Variants in ATL2 observed in about 807,000 individuals in gnomAD.
The protein encoded by ATL2 is atlastin-2.
In ATL2, 31 loss-of-function variants were observed where a neutral mutation model predicts 73.9. That is an observed-to-expected ratio of 0.42 (90% CI 0.32 to 0.57). The LOEUF (loss-of-function observed/expected upper bound fraction) is 0.57, where lower values mean the gene tolerates loss of function less well. Ranked by LOEUF, ATL2 falls within the 20% of genes least tolerant of loss-of-function variation. ATL2 has a pLI of 0.14. For missense variants in ATL2, 738 were observed against 702.6 expected (o/e 1.05, Z -0.57); for synonymous variants, 291 against 237.5 (o/e 1.23, Z -2.07).
rs576881151 is a variant in ATL2 at position 38,364,515 on chromosome 2, A to G, written c.118+12628T>C. Reference sequence around the variant, plus strand: ...AAAATGGAAGAGCTAGTTCTTAAACATCATTCTCTGTGGCCTTAGGCCAAA... The same window carrying G: ...AAAATGGAAGAGCTAGTTCTTAAACGTCATTCTCTGTGGCCTTAGGCCAAA... On this transcript the variant is annotated intron_variant, in intron 1 of 12. Transcript: ENST00000378954. Among the ~76,000 whole-genome samples, 13 of 152,356 alleles carry G rather than the reference A, an allele frequency of 8.5e-5. No individual in the cohort carries two copies. In the East Asian group the frequency reaches 1.4e-3, roughly 16 times the overall value.
intron 2 of ATL2, among the ~76,000 whole-genome samples, chr2:38,321,179 C>T (rs1199130958): frequency 6.6e-6 from 1 of 151,908 alleles, no homozygotes; most frequent in East Asian, 1.9e-4. Context: ...TCAAACAAAA[C>T]AAAACAAAAC....
intron 1 of ATL2, among the ~76,000 whole-genome samples, chr2:38,361,350 T>C (rs1252275103): frequency 8.9e-6 from 1 of 112,362 alleles, no homozygotes; most frequent in Non-Finnish European, 1.6e-5. Context: ...CAAGACTCCG[T>C]CTCAAAAAAA....
chr2:38,325,705 C>T (rs1467626856), intron 2 of ATL2, among the ~76,000 whole-genome samples: 1 of 74,606 alleles, frequency 1.3e-5, no homozygotes, highest in Non-Finnish European at 2.4e-5. Flanking sequence ...CCAGTACACA[C>T]ACACACACAC....
At chr2:38,360,895 T>C (rs1042503555) in intron 1 of ATL2, among the ~76,000 whole-genome samples, 3 of 151,722 alleles carry the variant, frequency 2.0e-5, no homozygotes, top group African/African-American at 7.3e-5. Flanking sequence ...GAACGAAACA[T>C]GGTTCCTTGT....
chr2:38,315,151 T>A (rs897586948), intron 5 of ATL2, 133 bp downstream of exon 5: 4 of 898,386 alleles, frequency 4.5e-6, no homozygotes, highest in Non-Finnish European at 6.0e-6. Flanking sequence ...CTTGGGAGGC[T>A]GAGGCAGGAG....
At chr2:38,311,381 C>CTCCTAAACACTCTTCTGGA (rs1553330849) in intron 7 of ATL2, among the ~76,000 whole-genome samples, 1 of 151,468 alleles carries the variant, frequency 6.6e-6, no homozygotes, top group Non-Finnish European at 1.5e-5. Flanking sequence ...ATAACTCACA[C>CTCCTAAACACTCTTCTGGA]AGTCTCCTAA....
At chr2:38,333,409 G>C (rs1434686973) in intron 2 of ATL2, among the ~76,000 whole-genome samples, 2 of 152,122 alleles carry the variant, frequency 1.3e-5, no homozygotes, top group Non-Finnish European at 1.5e-5. Flanking sequence ...TCCAAAAACA[G>C]TTAGTATTAA....
intron 2 of ATL2, among the ~76,000 whole-genome samples, chr2:38,327,237 T>A (rs1199882396): frequency 6.6e-6 from 1 of 151,790 alleles, no homozygotes; most frequent in Non-Finnish European, 1.5e-5. Context: ...CAGAGAAGGA[T>A]AATAAGGTAA....
At position 38,377,162 on chromosome 2, in the gene ATL2, G is replaced by C. The variant is rs772747183; in HGVS notation, c.99C>G (p.Val33=). ...TSDPSAAVNH[V]SSTTSLGENY... ...CCGTACCTAGGGAGGTCGTGGACGA[G>C]ACGTGGTTAACCGCGGCGCTTGGGT... The change falls in exon 1 of 13, where the codon GTC becomes GTG. Residue 33 remains valine, a synonymous_variant. Transcript: ENST00000378954. 41 of 1,610,694 alleles carry C rather than the reference G, an allele frequency of 2.5e-5. No homozygotes were observed. The highest frequency in any genetic ancestry group is 3.3e-5 in the Non-Finnish European group (39 of 1,179,444).
intron 4 of ATL2, among the ~76,000 whole-genome samples, chr2:38,315,871 C>T (rs1471878924): frequency 6.6e-6 from 1 of 152,180 alleles, no homozygotes; most frequent in Non-Finnish European, 1.5e-5. Flanking sequence ...TTCACTTACA[C>T]TCAACATGAC....
At chr2:38,360,210 T>A (rs1670928328) in intron 1 of ATL2, among the ~76,000 whole-genome samples, 1 of 151,066 alleles carries the variant, frequency 6.6e-6, no homozygotes, top group South Asian at 2.1e-4. Context: ...GGAAGTCAAC[T>A]TTGTTAGCTA....
At chr2:38,347,963 C>T (rs1458914732) in intron 1 of ATL2, among the ~76,000 whole-genome samples, 3 of 151,458 alleles carry the variant, frequency 2.0e-5, no homozygotes, top group African/African-American at 7.3e-5. Flanking sequence ...GACAAGGTTT[C>T]CCCATGTTGG....
At chr2:38,301,466 A>G (rs1391908629) in intron 9 of ATL2, among the ~76,000 whole-genome samples, 1 of 152,282 alleles carries the variant, frequency 6.6e-6, no homozygotes, top group African/African-American at 2.4e-5. Flanking sequence ...GATCACTGAA[A>G]GAGGCACTGA....
intron 1 of ATL2, among the ~76,000 whole-genome samples, chr2:38,354,851 T>C (rs554931606): frequency 4.6e-5 from 7 of 151,842 alleles, no homozygotes; most frequent in East Asian, 2.0e-4. Flanking sequence ...GATTGTGCCA[T>C]TGCACTCCAA....
chr2:38,313,348 C>A, intron 6 of ATL2, 105 bp from the exon 7 acceptor site: 1 of 786,060 alleles, frequency 1.3e-6, no homozygotes, highest in Non-Finnish European at 2.0e-6. Context: ...CTAAACAATC[C>A]TTATCAAAAG....
chr2:38,373,462 TG>T (rs1573608212), intron 1 of ATL2, among the ~76,000 whole-genome samples: 1 of 152,212 alleles, frequency 6.6e-6, no homozygotes, highest in East Asian at 1.9e-4. Context: ...ACATTCTACT[TG>T]TACTGGTCCG....
chr2:38,329,606 T>C (rs1419810903), intron 2 of ATL2, among the ~76,000 whole-genome samples: 5 of 151,826 alleles, frequency 3.3e-5, no homozygotes, highest in African/African-American at 9.7e-5. Context: ...ATTCAAAGTA[T>C]TACCCTAATA....
intron 2 of ATL2, among the ~76,000 whole-genome samples, chr2:38,341,574 C>G (rs187149715): frequency 6.6e-6 from 1 of 152,214 alleles, no homozygotes; most frequent in African/African-American, 2.4e-5. Flanking sequence ...GGAGGTTGGG[C>G]TGCAGTCTAC....
intron 7 of ATL2, among the ~76,000 whole-genome samples, chr2:38,312,529 T>C (rs946118090): frequency 6.6e-6 from 1 of 151,916 alleles, no homozygotes; most frequent in Non-Finnish European, 1.5e-5. Flanking sequence ...GCCAACATGG[T>C]GAAACCCCGT....
Sources: gnomAD v4.1 joint callset for allele counts (sites outside exome capture counted in the v4.1 genomes callset) on GRCh38, gnomAD v4.1.1 for gene constraint, MANE v1.5 for transcripts, NCBI Gene and HGNC (gene_info 2026-07-23, HGNC 2026-07-21) for gene names.